The following LRRN1 variants were observed in gnomAD, a reference collection of about 807,000 sequenced individuals.
The protein encoded by LRRN1 is leucine-rich repeat neuronal protein 1.
Under a neutral mutation model 45.8 loss-of-function variants are expected in LRRN1, and 14 were observed. The ratio of observed to expected loss-of-function variants is 0.31; its 90% CI spans 0.20 to 0.48. The LOEUF is 0.48. Ranked by LOEUF, LRRN1 falls within the 20% of genes least tolerant of loss-of-function variation. The pLI, the probability that LRRN1 is intolerant of heterozygous loss-of-function variation, is 0.99. For synonymous variants in LRRN1, 359 were observed against 330.1 expected (o/e 1.09, Z -0.95); for missense variants, 789 against 874.2 (o/e 0.90, Z 1.23).
At position 3,846,151 on chromosome 3, in the gene LRRN1, G is replaced by A. The variant is rs1693771437; in HGVS notation, c.1510G>A (p.Val504Ile). ...SGRYTCVAQNVQGADTRVATI... is the reference protein window; with the variant it reads ...SGRYTCVAQNIQGADTRVATI... ...AAGATACACATGTGTTGCCCAGAATGTCCAAGGGGCAGACACTCGGGTGGC... is the reference window on the plus strand; with the variant it reads ...AAGATACACATGTGTTGCCCAGAATATCCAAGGGGCAGACACTCGGGTGGC... The change falls in exon 2 of 2, where the codon GTC becomes ATC. Residue 504 changes from valine (V) to isoleucine (I), a missense_variant. Physicochemically the swap from Val to Ile is conservative, Grantham distance 29 (BLOSUM62 3). Transcript: ENST00000319331. This position sits in a 1 kb window ranked among gnomAD's most constrained non-coding sequence, Gnocchi z 5.7. 6.2e-7 allele frequency: 1 copy of A among 1,614,000 alleles called. No individual in the cohort carries two copies. Among genetic ancestry groups the A allele is most frequent in the Non-Finnish European group, 8.5e-7 (1 of 1,180,038 alleles).
chr3:3,845,297 G>A lies in LRRN1; in HGVS notation c.656G>A (p.Ser219Asn). 2 of 1,614,112 alleles carry A rather than the reference G, an allele frequency of 1.2e-6. No homozygotes were observed. Among genetic ancestry groups the A allele is most frequent in the Non-Finnish European group, 1.7e-6 (2 of 1,180,036 alleles). The change falls in exon 2 of 2, where the codon AGC (serine) becomes AAC (asparagine). Residue 219 changes from serine to asparagine, a missense_variant. By Grantham distance (46) the Ser-to-Asn change is conservative (BLOSUM62 1). Transcript: ENST00000319331. This position sits in a 1 kb window ranked among gnomAD's most constrained non-coding sequence, Gnocchi z 6.5. The stretch of plus-strand genomic sequence containing the variant: ...TTCAAACCCCTCGCAAATTTGAGAA[G>A]CTTAGTTTTGGCAGGAATGTATCTC... ...MNFKPLANLR[S>N]LVLAGMYLTD... is the part of the protein sequence containing the mutation.
chr3:3,841,221 G>A (rs1693645633), intron 1 of LRRN1, among the ~76,000 whole-genome samples: 1 of 150,016 alleles, frequency 6.7e-6, no homozygotes, highest in South Asian at 2.1e-4. Flanking sequence ...AACCCGGGAG[G>A]CAGAGGTTGC....
At chr3:3,842,429 A>G (rs1414927358) in intron 1 of LRRN1, among the ~76,000 whole-genome samples, 2 of 151,978 alleles carry the variant, frequency 1.3e-5, no homozygotes, top group Non-Finnish European at 2.9e-5. Flanking sequence ...TAGACCAGTA[A>G]TGCAGTTTTC....
Position 3,816,787 on chromosome 3 carries a change from A to G in LRRN1, c.-279+16868A>G, listed in dbSNP as rs1692995330. Among the ~76,000 whole-genome samples, 1 of 152,170 alleles carries G rather than the reference A, an allele frequency of 6.6e-6. No individual in the cohort carries two copies. The highest frequency in any genetic ancestry group is 2.1e-4 in the South Asian group (1 of 4,826). On this transcript the variant is annotated intron_variant, in intron 1 of 1. Coordinates refer to ENST00000319331, the MANE Select transcript of LRRN1 (RefSeq NM_020873.7). The surrounding 1 kb of genome is among the most constrained non-coding windows in gnomAD (Gnocchi z 4.0). ...TTCTACGTGTCTAAAAGAAGGCTGC[A>G]ATGTACTCTTGGGGTCCAATAAGAC...
chr3:3,823,750 T>C (rs1466579494), intron 1 of LRRN1, among the ~76,000 whole-genome samples: 2 of 152,140 alleles, frequency 1.3e-5, no homozygotes, highest in African/African-American at 2.4e-5. Flanking sequence ...TCTGTCTGCC[T>C]CTTGAGACTG....
At chr3:3,813,725 G>A (rs1448203471) in intron 1 of LRRN1, among the ~76,000 whole-genome samples, 1 of 152,122 alleles carries the variant, frequency 6.6e-6, no homozygotes, top group East Asian at 1.9e-4. Flanking sequence ...AGGAGCAAGA[G>A]GAAGAGGTGG....
In LRRN1 at chr3:3,846,228, A is replaced by G. The variant is rs1482632253; in HGVS notation, c.1587A>G (p.Ile529Met). 1 of 1,614,008 alleles carries G rather than the reference A, an allele frequency of 6.2e-7. No individual in the cohort carries two copies. Among genetic ancestry groups the G allele is most frequent in the Non-Finnish European group, 8.5e-7 (1 of 1,180,038 alleles). The stretch of plus-strand genomic sequence containing the variant: ...TGGATGGTACCCAGGTGCTAAAAAT[A>G]TACGTCAAGCAGACAGAATCCCATT... ...TLLDGTQVLK[I>M]YVKQTESHSI... is the part of the protein sequence containing the mutation. Residue 529 changes from isoleucine to methionine, a missense_variant, in exon 2 of 2, where the codon ATA (isoleucine) becomes ATG (methionine). Coordinates refer to ENST00000319331, the MANE Select transcript of LRRN1 (RefSeq NM_020873.7). The surrounding 1 kb of genome is among the most constrained non-coding windows in gnomAD (Gnocchi z 5.7).
intron 1 of LRRN1, among the ~76,000 whole-genome samples, chr3:3,821,595 T>C (rs696489): frequency 0.65 from 99,132 of 152,094 alleles, 34,170 homozygotes; most frequent in Middle Eastern, 0.8. Context: ...ATCAGTGTGA[T>C]TCAATTTGCA....
intron 1 of LRRN1, among the ~76,000 whole-genome samples, chr3:3,815,590 G>C (rs1381899111): frequency 2.6e-5 from 4 of 152,082 alleles, no homozygotes; most frequent in Non-Finnish European, 5.9e-5. Flanking sequence ...CTAACTACTT[G>C]CTCACATTTT....
chr3:3,831,388 C>T (rs139560773), intron 1 of LRRN1, among the ~76,000 whole-genome samples: 69 of 152,372 alleles, frequency 4.5e-4, no homozygotes, highest in Admixed American at 8.5e-4. Flanking sequence ...TCCTCTGGCA[C>T]GCAAATGTCT....
chr3:3,805,889 A>G (rs1253629488), intron 1 of LRRN1, among the ~76,000 whole-genome samples: 1 of 152,178 alleles, frequency 6.6e-6, no homozygotes, highest in African/African-American at 2.4e-5. Flanking sequence ...TAAAACTGAA[A>G]TAAGTTAGCT....
intron 1 of LRRN1, among the ~76,000 whole-genome samples, chr3:3,840,928 C>T (rs891383321): frequency 2.0e-5 from 3 of 152,186 alleles, no homozygotes; most frequent in African/African-American, 7.2e-5. Flanking sequence ...TACTAACAGA[C>T]TGTTTTGGAA....
At chr3:3,804,105 C>G (rs1692708251) in intron 1 of LRRN1, 1 of 152,080 alleles carries the variant, frequency 6.6e-6, no homozygotes, top group South Asian at 2.1e-4. Context: ...TTTATATTTT[C>G]TACTTTTTGA....
chr3:3,813,729 G>A (rs1278448970), intron 1 of LRRN1, among the ~76,000 whole-genome samples: 6 of 152,130 alleles, frequency 3.9e-5, no homozygotes, highest in Non-Finnish European at 7.4e-5. Context: ...GCAAGAGGAA[G>A]AGGTGGTTTC....
intron 1 of LRRN1, among the ~76,000 whole-genome samples, chr3:3,832,360 C>G (rs768636417): frequency 2.0e-5 from 3 of 152,200 alleles, no homozygotes; most frequent in Non-Finnish European, 4.4e-5. Flanking sequence ...CCAAGTATGT[C>G]TATGCCAATT....
At chr3:3,839,044 G>C (rs895316924) in intron 1 of LRRN1, among the ~76,000 whole-genome samples, 2 of 152,014 alleles carry the variant, frequency 1.3e-5, no homozygotes, top group Non-Finnish European at 2.9e-5. Context: ...TGTTGTCGTT[G>C]CCTGTGTTTT....
rs140618531 is a variant in LRRN1 at position 3,838,141 on chromosome 3, G to A, written c.-278-6223G>A. ...TCTTTGACAAACCTAACAAAAACAA[G>A]CAATGGGGAAAGGATTCCCTATTTA... On this transcript the variant is annotated intron_variant, in intron 1 of 1. Coordinates refer to ENST00000319331, the MANE Select transcript of LRRN1 (RefSeq NM_020873.7). 6.5e-3 allele frequency among the ~76,000 whole-genome samples: 982 copies of A among 152,222 alleles called. 46 individuals carry two copies. In the East Asian group the frequency reaches 0.13, roughly 20 times the overall value.
chr3:3,803,804 T>G (rs1254793510), intron 1 of LRRN1, among the ~76,000 whole-genome samples: 1 of 152,226 alleles, frequency 6.6e-6, no homozygotes, highest in African/African-American at 2.4e-5. Flanking sequence ...CCATTTGTTC[T>G]AAAGGTCTTT....
At chr3:3,803,009 C>T (rs1269962577) in intron 1 of LRRN1, among the ~76,000 whole-genome samples, 1 of 152,192 alleles carries the variant, frequency 6.6e-6, no homozygotes. Flanking sequence ...AGAAAAGGAT[C>T]ATTCTGCTAA....
Sources: gnomAD v4.1 joint callset for allele counts (sites outside exome capture counted in the v4.1 genomes callset) on GRCh38, gnomAD v4.1.1 for gene constraint, Gnocchi (gnomAD v3.1) non-coding constraint, MANE v1.5 for transcripts, NCBI Gene and HGNC (gene_info 2026-07-23, HGNC 2026-07-21) for gene names.